CSMD1: variants seen among roughly 807,000 people sequenced by gnomAD.
CSMD1 encodes the protein CUB and Sushi multiple domains 1.
CSMD1 carries 213 observed loss-of-function variants against 417.5 expected under a neutral mutation model. The observed-to-expected ratio is 0.51, with a 90% CI of 0.46 to 0.57. CSMD1 has a LOEUF of 0.57. CSMD1 is among the 20% of genes least tolerant of loss of function. The probability of loss-of-function intolerance (pLI) is 0.00; values close to 1 mark genes in which losing one functional copy is unlikely to be tolerated. For synonymous variants in CSMD1, 2,862 were observed against 1,736.8 expected (o/e 1.65, Z -16.11); for missense variants, 6,923 against 4,529.7 (o/e 1.53, Z -15.17).
chr8:4,788,054 C>T, intron 1 of CSMD1: 1 of 1,594,268 alleles, frequency 6.3e-7, no homozygotes, highest in Non-Finnish European at 8.6e-7. Context: ...TAAAGAAAAA[C>T]TTTGAGTGGG....
intron 18 of CSMD1, among the ~76,000 whole-genome samples, chr8:3,383,339 T>A (rs1183038894): frequency 6.6e-6 from 1 of 152,242 alleles, no homozygotes; most frequent in South Asian, 2.1e-4. Context: ...CAGAATGTCT[T>A]CATTACTCTG....
intron 12 of CSMD1, among the ~76,000 whole-genome samples, chr8:3,460,230 C>G (rs974785929): frequency 6.6e-5 from 10 of 152,156 alleles, no homozygotes; most frequent in African/African-American, 2.2e-4. Flanking sequence ...AGCAAATGAT[C>G]TACATGGTGA....
chr8:4,576,113 T>C (rs769489713), intron 2 of CSMD1, among the ~76,000 whole-genome samples: 5 of 152,254 alleles, frequency 3.3e-5, no homozygotes, highest in African/African-American at 7.2e-5. Context: ...CTCCTCTTTA[T>C]TGCTAGCCTA....
intron 5 of CSMD1, among the ~76,000 whole-genome samples, chr8:3,770,163 C>T (rs1017177478): frequency 1.3e-5 from 2 of 152,238 alleles, no homozygotes; most frequent in African/African-American, 4.8e-5. Flanking sequence ...CTGGCCTATG[C>T]CACACTCATA....
At chr8:3,827,599 AAT>A (rs1425881060) in intron 5 of CSMD1, among the ~76,000 whole-genome samples, 2 of 152,180 alleles carry the variant, frequency 1.3e-5, no homozygotes, top group African/African-American at 4.8e-5. Context: ...ACATCAATGA[AAT>A]GAACTATTCA....
intron 1 of CSMD1, among the ~76,000 whole-genome samples, chr8:4,892,451 AGG>A (rs1343278299): frequency 1.3e-5 from 2 of 152,120 alleles, no homozygotes; most frequent in Non-Finnish European, 2.9e-5. Flanking sequence ...ATAAAAAAAT[AGG>A]TTCATGTCTT....
At chr8:4,535,806 T>C (rs946490737) in intron 2 of CSMD1, among the ~76,000 whole-genome samples, 1 of 152,176 alleles carries the variant, frequency 6.6e-6, no homozygotes, top group Non-Finnish European at 1.5e-5. Flanking sequence ...AAAAATATTT[T>C]CCCTTTCTTT....
chr8:4,632,713 G>A (rs941540477), intron 2 of CSMD1, among the ~76,000 whole-genome samples: 5 of 152,292 alleles, frequency 3.3e-5, no homozygotes, highest in South Asian at 2.1e-4. Flanking sequence ...ATTGCAGTAG[G>A]TGGCCAGTGT....
At chr8:4,965,651 T>C (rs1809810581) in intron 1 of CSMD1, among the ~76,000 whole-genome samples, 1 of 152,212 alleles carries the variant, frequency 6.6e-6, no homozygotes, top group Non-Finnish European at 1.5e-5. Flanking sequence ...ATAAGTGGAA[T>C]GAAAGTACAT....
rs911981341 is a variant in CSMD1 at position 2,938,202 on chromosome 8, C to G, written c.*383G>C. ...ACATATCGTGGTGCCACCATTCTGT[C>G]ACCGCACCTGAGGGACATATCCACG... On this transcript the variant is annotated 3_prime_UTR_variant, in exon 70 of 70. Coordinates refer to ENST00000635120, the MANE Select transcript of CSMD1 (RefSeq NM_033225.6). 3 of 176,072 alleles carry G rather than the reference C, an allele frequency of 1.7e-5. No homozygotes were observed. The highest frequency in any genetic ancestry group is 4.7e-5 in the African/African-American group (2 of 42,470). The allele number at this position is 176,072 out of a possible 1,614,324, so 10.9% of individuals were successfully genotyped here.
At chr8:4,475,599 T>A (rs1250077921) in intron 2 of CSMD1, among the ~76,000 whole-genome samples, 1 of 151,562 alleles carries the variant, frequency 6.6e-6, no homozygotes, top group Non-Finnish European at 1.5e-5. Flanking sequence ...TTTCTTAGGG[T>A]TTTTTTTCTT....
At chr8:3,598,247 C>T (rs906173876) in intron 8 of CSMD1, 1 of 150,984 alleles carries the variant, frequency 6.6e-6, no homozygotes, top group African/African-American at 2.4e-5. Flanking sequence ...TGTGTAGATG[C>T]ATGAACTCCA....
intron 1 of CSMD1, among the ~76,000 whole-genome samples, chr8:4,700,027 C>T (rs925956376): frequency 1.3e-5 from 2 of 152,196 alleles, no homozygotes; most frequent in Admixed American, 1.3e-4. Flanking sequence ...TCTTAGAAAG[C>T]TTCACAAAGA....
chr8:4,657,940 A>G (rs949546568), intron 1 of CSMD1, among the ~76,000 whole-genome samples: 10 of 152,060 alleles, frequency 6.6e-5, no homozygotes, highest in African/African-American at 2.4e-4. Context: ...ACAATAACTG[A>G]TGCTATAAAC....
chr8:4,954,479 T>G (rs1289535852), intron 1 of CSMD1, among the ~76,000 whole-genome samples: 3 of 152,198 alleles, frequency 2.0e-5, no homozygotes, highest in African/African-American at 7.2e-5. Flanking sequence ...TGACTGAAAT[T>G]GATCACGTGG....
intron 25 of CSMD1, among the ~76,000 whole-genome samples, chr8:3,294,537 C>G (rs918478285): frequency 6.8e-6 from 1 of 147,048 alleles, no homozygotes; most frequent in African/African-American, 2.4e-5. Flanking sequence ...GCCCCTCCCC[C>G]AGCCTCGCTG....
In CSMD1 at chr8:3,367,209, A is replaced by C. The variant is rs1437329308; in HGVS notation, c.2938T>G (p.Ser980Ala). Residue 980 changes from serine to alanine, a missense_variant, in exon 20 of 70, where the codon TCC becomes GCC. By Grantham distance (99) the Ser-to-Ala change is moderately conservative. Coordinates refer to ENST00000635120, the MANE Select transcript of CSMD1 (RefSeq NM_033225.6). Reference sequence around the variant, plus strand: ...TCTGTGATCAGTAAATAGTCGTGGGAACTCTCAAGATGAAAGGTGTGAAAG... The same window carrying C: ...TCTGTGATCAGTAAATAGTCGTGGGCACTCTCAAGATGAAAGGTGTGAAAG... ...MIFHTFHLES[S>A]HDYLLITEDG... is the part of the protein sequence containing the mutation. 11 of 1,613,430 alleles carry C rather than the reference A, an allele frequency of 6.8e-6. No homozygotes were observed. The highest frequency in any genetic ancestry group is 7.6e-6 in the Non-Finnish European group (9 of 1,179,670).
intron 3 of CSMD1, among the ~76,000 whole-genome samples, chr8:4,246,976 A>C (rs1360304562): frequency 6.6e-6 from 1 of 152,338 alleles, no homozygotes; most frequent in East Asian, 1.9e-4. Context: ...TAGACGAAGT[A>C]GAAATTTATT....
chr8:3,219,799 C>T (rs1195107959), intron 28 of CSMD1, among the ~76,000 whole-genome samples: 1 of 152,098 alleles, frequency 6.6e-6, no homozygotes, highest in Non-Finnish European at 1.5e-5. Flanking sequence ...AAAAGAGACA[C>T]ATTTCCACTG....
Sources: gnomAD v4.1 joint callset for allele counts (sites outside exome capture counted in the v4.1 genomes callset) on GRCh38, gnomAD v4.1.1 for gene constraint, MANE v1.5 for transcripts, NCBI Gene and HGNC (gene_info 2026-07-23, HGNC 2026-07-21) for gene names.